The following MAP3K4 variants were observed in gnomAD, a reference collection of about 807,000 sequenced individuals.
MAP3K4 encodes MAP three kinase 1.
Under a neutral mutation model 185.6 loss-of-function variants are expected in MAP3K4, and 67 were observed. The ratio of observed to expected loss-of-function variants is 0.36; its 90% confidence interval spans 0.30 to 0.44. The LOEUF is 0.44. Ranked by LOEUF, MAP3K4 falls within the 20% of genes least tolerant of loss-of-function variation. The probability of loss-of-function intolerance (pLI) is 1.00; values close to 1 mark genes in which losing one functional copy is unlikely to be tolerated. For synonymous variants in MAP3K4, 702 were observed against 710.4 expected (o/e 0.99, Z 0.19); for missense variants, 1,551 against 1,995.1 (o/e 0.78, Z 4.24).
intron 15 of MAP3K4, among the ~76,000 whole-genome samples, chr6:161,094,812 C>T (rs187556571): frequency 1.3e-5 from 2 of 152,228 alleles, no homozygotes; most frequent in Non-Finnish European, 2.9e-5. Context: ...ATGCTATTGT[C>T]TTATCAGGTT....
chr6:161,066,932 G>T (rs550125128), intron 3 of MAP3K4, among the ~76,000 whole-genome samples: 31 of 152,332 alleles, frequency 2.0e-4, no homozygotes, highest in African/African-American at 7.2e-4. Context: ...ATCTTAGAAA[G>T]TTTGGTGAAT....
rs1254721342 is a variant in MAP3K4, at chr6:160,992,005, C to T, written c.74C>T (p.Pro25Leu). Residue 25 changes from proline to leucine, a missense_variant, in exon 1 of 27, where the codon CCG becomes CTG. Physicochemically the swap from Pro to Leu is moderately conservative, Grantham distance 98 (BLOSUM62 -3). Transcript: ENST00000392142. Reference sequence around the variant, plus strand: ...ACGCCTGCCGCCGCCATGGAGGAGCCGCCGCCACCGCCGCCGCCGCCACCA... The same window carrying T: ...ACGCCTGCCGCCGCCATGGAGGAGCTGCCGCCACCGCCGCCGCCGCCACCA... ...AVTPAAAMEE[P>L]PPPPPPPPPP... 2 of 1,542,602 alleles carry T rather than the reference C, an allele frequency of 1.3e-6. No homozygotes were observed. The highest frequency in any genetic ancestry group is 1.9e-5 in the Admixed American group (1 of 52,482).
Position 161,080,133 on chromosome 6 carries a change from G to A in MAP3K4, c.2098-748G>A, listed in dbSNP as rs899971175. Among the ~76,000 whole-genome samples the A allele has an allele frequency of 6.6e-6, 1 of 152,102 alleles. No individual in the cohort carries two copies. Among genetic ancestry groups the A allele is most frequent in the Non-Finnish European group, 1.5e-5 (1 of 68,012 alleles). On this transcript the variant is annotated intron_variant, in intron 5 of 26. Transcript: ENST00000392142. The surrounding 1 kb of genome is among the most constrained non-coding windows in gnomAD (Gnocchi z 4.8). ...AGTGGAGTGATGTCTGAAAAGTTCC[G>A]AGAGAGAATGTGTGACTCAAATATC... is the stretch of plus-strand genomic sequence containing the variant.
At position 161,115,426 on chromosome 6, in the gene MAP3K4, T is replaced by C; in HGVS notation, c.4806+124T>C. 1 of 893,548 alleles carries C rather than the reference T, an allele frequency of 1.1e-6. No homozygotes were observed. The highest frequency in any genetic ancestry group is 1.7e-6 in the Non-Finnish European group (1 of 605,396). The allele number at this position is 893,548 out of a possible 1,614,324, so 55.4% of individuals were successfully genotyped here. The stretch of plus-strand genomic sequence containing the variant: ...ATCTGAAGTGGAAAGGAACTAAATG[T>C]ATTATTATGCCAGGGATTTTTGTAT... On this transcript the variant is annotated intron_variant, in intron 26 of 26. Transcript: ENST00000392142. The surrounding 1 kb of genome is among the most constrained non-coding windows in gnomAD (Gnocchi z 6.0).
Position 161,048,839 on chromosome 6 carries a change from C to T in MAP3K4, c.567C>T (p.Leu189=). The T allele has an allele frequency of 1.2e-6, 2 of 1,614,200 alleles. No individual in the cohort carries two copies. Among genetic ancestry groups the T allele is most frequent in the Non-Finnish European group, 1.7e-6 (2 of 1,180,024 alleles). Residue 189 remains leucine (L), a synonymous_variant, in exon 3 of 27, where the codon CTC becomes CTT. Transcript: ENST00000392142. This position sits in a 1 kb window ranked among gnomAD's most constrained non-coding sequence, Gnocchi z 4.7. ...IPDVDLNKPY[L]SLGCSNAKLP... ...ATGTGGATCTCAATAAGCCTTACCT[C>T]AGCCTTGGCTGTAGCAATGCTAAGC...
intron 3 of MAP3K4, among the ~76,000 whole-genome samples, chr6:161,050,791 G>C (rs1451220434): frequency 6.6e-6 from 1 of 152,172 alleles, no homozygotes; most frequent in Non-Finnish European, 1.5e-5. Flanking sequence ...TTGCATGTTC[G>C]TCTGGCTAAA....
chr6:161,067,309 C>A lies in MAP3K4; in HGVS notation c.1708-3299C>A. 1 of 410,462 alleles carries A rather than the reference C, an allele frequency of 2.4e-6. No individual in the cohort carries two copies. Among genetic ancestry groups the A allele is most frequent in the Non-Finnish European group, 4.9e-6 (1 of 205,728 alleles). 25.4% of individuals were successfully genotyped at this position (410,462 alleles called of 1,614,324 possible). A position where few individuals can be genotyped will look rare whatever the true frequency, so the allele number is the denominator to read the frequency against. ...TTGCAGGTCACAGGTAGGTAAGAGA[C>A]AAAACGTTACATTTTTTTGAATTTC... On this transcript the variant is annotated intron_variant, in intron 3 of 26. Coordinates refer to ENST00000392142, the MANE Select transcript of MAP3K4 (RefSeq NM_005922.4). The surrounding 1 kb of genome is among the most constrained non-coding windows in gnomAD (Gnocchi z 6.3).
In MAP3K4 at chr6:161,034,459, G is replaced by A. The variant is rs9458105; in HGVS notation, c.343+10G>A. ...CGGTCTAATTTGAAAGGTGAGTCTT[G>A]TACTTGAAAAGAGGTGTACATGAGA... On this transcript the variant is annotated intron_variant, in intron 2 of 26. Coordinates refer to ENST00000392142, the MANE Select transcript of MAP3K4 (RefSeq NM_005922.4). The surrounding 1 kb of genome is among the most constrained non-coding windows in gnomAD (Gnocchi z 4.4). 0.012 allele frequency: 18,835 copies of A among 1,611,950 alleles called. 307 individuals carry two copies. Among genetic ancestry groups the A allele is most frequent in the African/African-American group, 0.073 (5,461 of 74,924 alleles).
intron 2 of MAP3K4, among the ~76,000 whole-genome samples, chr6:161,035,126 C>A (rs970886234): frequency 6.6e-6 from 1 of 152,130 alleles, no homozygotes; most frequent in Non-Finnish European, 1.5e-5. Context: ...TGCGCTGCAG[C>A]CTCCTTGTAC....
At chr6:161,111,647 TG>T (rs1400605342) in intron 23 of MAP3K4, among the ~76,000 whole-genome samples, 188 bp from the exon 24 acceptor site, 2 of 152,220 alleles carry the variant, frequency 1.3e-5, no homozygotes, top group Non-Finnish European at 2.9e-5. Context: ...GTTAAAATTT[TG>T]TTGCTTTTTA....
intron 19 of MAP3K4, among the ~76,000 whole-genome samples, chr6:161,105,583 G>C (rs920257498): frequency 6.6e-6 from 1 of 152,164 alleles, no homozygotes; most frequent in African/African-American, 2.4e-5. Context: ...TAGAAGAGGC[G>C]TGGCATTTCA....
In MAP3K4 at chr6:161,007,315, T is replaced by G. The variant is rs766557047; in HGVS notation, c.152+15232T>G. Reference sequence around the variant, plus strand: ...TGCAGTGGGGAAAAACATTCACTATTGAGGAATGTCTTGAAGAGGAGGGAG... The same window carrying G: ...TGCAGTGGGGAAAAACATTCACTATGGAGGAATGTCTTGAAGAGGAGGGAG... On this transcript the variant is annotated intron_variant, in intron 1 of 26. Coordinates refer to ENST00000392142, the MANE Select transcript of MAP3K4 (RefSeq NM_005922.4). This position sits in a 1 kb window ranked among gnomAD's most constrained non-coding sequence, Gnocchi z 4.5. Among the ~76,000 whole-genome samples, 7 of 152,170 alleles carry G rather than the reference T, an allele frequency of 4.6e-5. No individual in the cohort carries two copies. The highest frequency in any genetic ancestry group is 1.0e-4 in the Non-Finnish European group (7 of 68,018).
Position 161,106,654 on chromosome 6 carries a change from C to T in MAP3K4, c.3997C>T (p.His1333Tyr). ...GCCTAAGTCCTATGATAATGTTATG[C>T]ACGTTGGCTTGAGGAAGGTGACCTT... ...DTPKSYDNVMHVGLRKVTFKW... is the reference protein window; with the variant it reads ...DTPKSYDNVMYVGLRKVTFKW... Residue 1333 changes from histidine (H) to tyrosine (Y), a missense_variant, in exon 20 of 27, where the codon CAC (histidine) becomes TAC (tyrosine). Transcript: ENST00000392142. This position sits in a 1 kb window ranked among gnomAD's most constrained non-coding sequence, Gnocchi z 4.9. 6.2e-7 allele frequency: 1 copy of T among 1,612,260 alleles called. No homozygotes were observed. The highest frequency in any genetic ancestry group is 8.5e-7 in the Non-Finnish European group (1 of 1,179,360).
chr6:161,020,958 A>G (rs1782359474), intron 1 of MAP3K4, among the ~76,000 whole-genome samples: 1 of 152,192 alleles, frequency 6.6e-6, no homozygotes, highest in Non-Finnish European at 1.5e-5. Flanking sequence ...ACAATTACCA[A>G]TTACGTTCTC....
intron 1 of MAP3K4, among the ~76,000 whole-genome samples, chr6:160,998,461 G>T (rs78887886): frequency 9.2e-5 from 14 of 152,026 alleles, no homozygotes; most frequent in Non-Finnish European, 2.1e-4. Context: ...GTTTCTTTAC[G>T]TTGAATTGTT....
At position 161,056,128 on chromosome 6, in the gene MAP3K4, C is replaced by T. The variant is rs1173751943; in HGVS notation, c.1707+6149C>T. On this transcript the variant is annotated intron_variant, in intron 3 of 26. Coordinates refer to ENST00000392142, the MANE Select transcript of MAP3K4 (RefSeq NM_005922.4). This position sits in a 1 kb window ranked among gnomAD's most constrained non-coding sequence, Gnocchi z 5.4. ...GAGCTCTTTCAGTTGCCTTCTGTGT[C>T]GTTTGATATGCTCCCCTCTTTTGTT... Among the ~76,000 whole-genome samples, 3 of 152,174 alleles carry T rather than the reference C, an allele frequency of 2.0e-5. No homozygotes were observed. Among genetic ancestry groups the T allele is most frequent in the African/African-American group, 7.2e-5 (3 of 41,434 alleles).
chr6:161,012,669 A>T (rs967080763), intron 1 of MAP3K4, among the ~76,000 whole-genome samples: 1 of 152,184 alleles, frequency 6.6e-6, no homozygotes, highest in African/African-American at 2.4e-5. Context: ...TCTCAAATCC[A>T]TATTTGTTAC....
Position 161,041,912 on chromosome 6 carries a change from C to CTTTTTTTTTTTTTT in MAP3K4, c.344-6691_344-6690insTTTTTTTTTTTTTT, listed in dbSNP as rs1184107037. On this transcript the variant is annotated intron_variant, in intron 2 of 26. Transcript: ENST00000392142. Reference sequence around the variant, plus strand: ...GGGTAAAGGCCTTGAGTTATTGTTTCTTTTTTTTTTTTTCTTTTTTTTTTT... The same window carrying CTTTTTTTTTTTTTT: ...GGGTAAAGGCCTTGAGTTATTGTTTCTTTTTTTTTTTTTTTTTTTTTTTTTTTCTTTTTTTTTTT... Among the ~76,000 whole-genome samples, 10 of 64,044 alleles carry CTTTTTTTTTTTTTT rather than the reference C, an allele frequency of 1.6e-4. 1 individual carries two copies. Among genetic ancestry groups the CTTTTTTTTTTTTTT allele is most frequent in the Non-Finnish European group, 2.3e-4 (8 of 35,108 alleles). The allele number at this position is 64,044 out of a possible 152,430, so 42.0% of individuals were successfully genotyped here.
intron 1 of MAP3K4, among the ~76,000 whole-genome samples, chr6:161,014,210 A>G (rs1781976460): frequency 6.6e-6 from 1 of 152,244 alleles, no homozygotes; most frequent in African/African-American, 2.4e-5. Flanking sequence ...TAAAAGACAA[A>G]GGAGCGCCCT....
Sources: gnomAD v4.1 joint callset for allele counts (sites outside exome capture counted in the v4.1 genomes callset) on GRCh38, gnomAD v4.1.1 for gene constraint, Gnocchi (gnomAD v3.1) non-coding constraint, MANE v1.5 for transcripts, NCBI Gene and HGNC (gene_info 2026-07-23, HGNC 2026-07-21) for gene names.